Variants in RIMS1 observed in about 807,000 individuals in gnomAD.
RIMS1 encodes regulating synaptic membrane exocytosis 1.
A neutral mutation model predicts 214.1 loss-of-function variants in RIMS1; 83 were observed. The ratio of observed to expected loss-of-function variants is 0.39; its 90% CI spans 0.32 to 0.47. RIMS1 has a LOEUF of 0.47. Among genes scored for constraint, RIMS1 ranks in the 20% least tolerant of loss-of-function variants. The pLI is 0.99. For missense variants in RIMS1, 2,050 were observed against 2,161.8 expected, an observed-to-expected ratio of 0.95 and a Z score of 1.03; for synonymous variants, 793 against 786.8, an observed-to-expected ratio of 1.01 and a Z score of -0.13.
intron 1 of RIMS1, among the ~76,000 whole-genome samples, chr6:71,895,687 A>G (rs1177237581): frequency 6.8e-6 from 1 of 147,834 alleles, no homozygotes; most frequent in Non-Finnish European, 1.5e-5. Flanking sequence ...AAAAAAAAAA[A>G]AAAAAAAAAA....
chr6:71,936,271 G>A (rs1487198649), intron 1 of RIMS1, among the ~76,000 whole-genome samples: 10 of 141,702 alleles, frequency 7.1e-5, no homozygotes, highest in Admixed American at 6.6e-4. Context: ...AGCTTGCAGT[G>A]AGCCGAGATC....
chr6:72,097,028 C>T lies in RIMS1; in HGVS notation c.325C>T (p.His109Tyr). The T allele has an allele frequency of 6.2e-7, 1 of 1,613,944 alleles. No homozygotes were observed. The highest frequency in any genetic ancestry group is 8.5e-7 in the Non-Finnish European group (1 of 1,179,858). ...GEEARRYQGEHKDDAPTCGIC... is the reference protein window; with the variant it reads ...GEEARRYQGEYKDDAPTCGIC... ...AGAAGCGCGGCGTTACCAGGGCGAG[C>T]ACAAAGACGATGCTCCGACTTGTGG... is the stretch of plus-strand genomic sequence containing the variant. Residue 109 changes from histidine (H) to tyrosine (Y), a missense_variant, in exon 3 of 34, where the codon CAC becomes TAC. Coordinates refer to ENST00000521978, the MANE Select transcript of RIMS1 (RefSeq NM_014989.7).
At chr6:72,316,525 CTGGCCT>C in intron 28 of RIMS1, 1 of 375,046 alleles carries the variant, frequency 2.7e-6, no homozygotes, top group Non-Finnish European at 5.1e-6. Context: ...AGACACCCTC[CTGGCCT>C]TGGCTCCCTA....
chr6:72,125,399 C>T (rs1324588430), intron 4 of RIMS1, among the ~76,000 whole-genome samples: 1 of 152,192 alleles, frequency 6.6e-6, no homozygotes, highest in Non-Finnish European at 1.5e-5. Flanking sequence ...TGTCAGTCGA[C>T]CCCTGCTGGC....
chr6:72,295,595 A>G (rs2093985540), intron 26 of RIMS1, among the ~76,000 whole-genome samples: 1 of 151,814 alleles, frequency 6.6e-6, no homozygotes, highest in African/African-American at 2.4e-5. Flanking sequence ...AATGGATTCA[A>G]GTTAAGATGT....
At chr6:71,986,314 A>G (rs1341761932) in intron 2 of RIMS1, among the ~76,000 whole-genome samples, 2 of 151,844 alleles carry the variant, frequency 1.3e-5, no homozygotes, top group African/African-American at 4.8e-5. Context: ...GTTTGTTTTA[A>G]TAATATGCAT....
At chr6:72,221,395 A>G (rs112452674) in intron 6 of RIMS1, among the ~76,000 whole-genome samples, 3,572 of 151,906 alleles carry the variant, frequency 0.024, 123 homozygotes, top group African/African-American at 0.081. Context: ...CTTCTTGGTA[A>G]TAATGGAAAT....
At chr6:72,366,639 C>G (rs993915189) in intron 29 of RIMS1, 10 of 919,446 alleles carry the variant, frequency 1.1e-5, no homozygotes, top group Non-Finnish European at 1.3e-5. Flanking sequence ...TTGACAGAAG[C>G]AATTTAATTA....
intron 29 of RIMS1, among the ~76,000 whole-genome samples, chr6:72,371,589 C>T (rs2098221894): frequency 6.6e-6 from 1 of 152,176 alleles, no homozygotes; most frequent in African/African-American, 2.4e-5. Flanking sequence ...CTCCCAAGGA[C>T]ACCAGAAAGG....
chr6:71,994,236 A>C (rs1202928514), intron 2 of RIMS1, among the ~76,000 whole-genome samples: 2 of 152,228 alleles, frequency 1.3e-5, no homozygotes. Flanking sequence ...CTTCAGAAAG[A>C]TAAAGCAAAA....
intron 9 of RIMS1, among the ~76,000 whole-genome samples, chr6:72,240,192 T>TA (rs1297968802): frequency 2.0e-5 from 3 of 152,178 alleles, no homozygotes; most frequent in Non-Finnish European, 2.9e-5. Flanking sequence ...ATAAATAATG[T>TA]AAAAAAAGCA....
intron 6 of RIMS1, among the ~76,000 whole-genome samples, chr6:72,188,772 A>G (rs1302000627): frequency 6.6e-6 from 1 of 152,138 alleles, no homozygotes; most frequent in Admixed American, 6.5e-5. Context: ...CATTTACCTC[A>G]ATCACAGGGC....
rs542396493 is a variant in RIMS1 at position 72,166,340 on chromosome 6, G to A, written c.472-13235G>A. ...TAAGAACACTAATCCTATTGAGCTA[G>A]GCCTACACCTGTATGACCTGATTTT... is the stretch of plus-strand genomic sequence containing the variant. On this transcript the variant is annotated intron_variant, in intron 4 of 33. Transcript: ENST00000521978. Among the ~76,000 whole-genome samples the A allele has an allele frequency of 7.3e-5, 11 of 150,138 alleles. No homozygotes were observed. The East Asian group carries it at 1.4e-3, about 19-fold the overall frequency.
intron 6 of RIMS1, among the ~76,000 whole-genome samples, chr6:72,228,464 G>T (rs1353829288): frequency 2.0e-5 from 3 of 151,804 alleles, no homozygotes; most frequent in Non-Finnish European, 4.4e-5. Context: ...TTAGCACAAT[G>T]TTCTGAAGTT....
rs528387741 is a variant in RIMS1 at position 72,276,633 on chromosome 6, C to T, written c.3482+2201C>T. Reference sequence around the variant, plus strand: ...CATATTTATAGATAAGTCCTATGTTCGACCAAAATAAATACACTTTACATC... The same window carrying T: ...CATATTTATAGATAAGTCCTATGTTTGACCAAAATAAATACACTTTACATC... On this transcript the variant is annotated intron_variant, in intron 23 of 33. Transcript: ENST00000521978. 1.8e-4 allele frequency among the ~76,000 whole-genome samples: 28 copies of T among 151,872 alleles called. No homozygotes were observed. In the South Asian group the frequency reaches 1.9e-3, roughly 10 times the overall value.
chr6:72,388,069 G>C (rs149449129), intron 29 of RIMS1, among the ~76,000 whole-genome samples: 3 of 152,272 alleles, frequency 2.0e-5, no homozygotes, highest in Non-Finnish European at 2.9e-5. Flanking sequence ...GAATAACAGT[G>C]AACAATACTC....
At chr6:72,058,231 G>A (rs890908306) in intron 2 of RIMS1, among the ~76,000 whole-genome samples, 27 of 152,274 alleles carry the variant, frequency 1.8e-4, no homozygotes, top group African/African-American at 6.3e-4. Flanking sequence ...TTACTTTTGG[G>A]ATTTCTCACT....
intron 2 of RIMS1, among the ~76,000 whole-genome samples, chr6:72,014,700 A>G (rs1176723350): frequency 1.3e-5 from 2 of 152,238 alleles, no homozygotes; most frequent in Non-Finnish European, 2.9e-5. Context: ...GCATCACTTT[A>G]TAATCCCACA....
chr6:71,977,781 C>G (rs1482573), intron 2 of RIMS1, among the ~76,000 whole-genome samples: 133,145 of 152,152 alleles, frequency 0.88, 58,333 homozygotes, highest in East Asian at 1. Flanking sequence ...AGTAAAGAAG[C>G]CCAGAGAAAG....
Sources: allele counts gnomAD v4.1 joint callset (sites outside exome capture counted in the v4.1 genomes callset), GRCh38; gene constraint gnomAD v4.1.1; transcripts MANE v1.5; gene names NCBI Gene and HGNC (gene_info 2026-07-23, HGNC 2026-07-21).